Variants in PLCB1 observed in about 807,000 individuals in gnomAD.
The protein encoded by PLCB1 is 1-phosphatidylinositol 4,5-bisphosphate phosphodiesterase beta-1.
Under a neutral mutation model 161.8 loss-of-function variants are expected in PLCB1, and 46 were observed. The observed-to-expected ratio is 0.28, with a 90% CI of 0.22 to 0.36. PLCB1 has a LOEUF of 0.36. PLCB1 is among the 10% of genes least tolerant of loss of function. PLCB1 has a pLI of 1.00. For missense variants in PLCB1, 1,016 were observed against 1,472.5 expected (o/e 0.69, Z 5.07); for synonymous variants, 517 against 503.7 (o/e 1.03, Z -0.35).
At chr20:8,446,277 C>G (rs1480023302) in intron 3 of PLCB1, among the ~76,000 whole-genome samples, 1 of 152,090 alleles carries the variant, frequency 6.6e-6, no homozygotes. Flanking sequence ...TAAACGTAAT[C>G]CAGCATATAA....
intron 2 of PLCB1, among the ~76,000 whole-genome samples, chr20:8,203,616 A>G (rs746575831): frequency 6.6e-6 from 1 of 152,072 alleles, no homozygotes; most frequent in Non-Finnish European, 1.5e-5. Context: ...TCAGGGAGAG[A>G]TGCACAGACA....
chr20:8,834,288 A>G (rs1187735959), intron 31 of PLCB1, among the ~76,000 whole-genome samples: 1 of 152,182 alleles, frequency 6.6e-6, no homozygotes, highest in African/African-American at 2.4e-5. Flanking sequence ...GGGATAGGGA[A>G]TAGTTTTCTG....
chr20:8,788,449 C>T lies in PLCB1; in HGVS notation c.3112C>T (p.Leu1038Phe), dbSNP rs762562905. The T allele has an allele frequency of 5.6e-6, 9 of 1,612,240 alleles. No homozygotes were observed. In the African/African-American group the frequency reaches 1.2e-4, roughly 21 times the overall value. ...GCAAACTGACATTTTCTTTTTCCAGCTTATTCAAAAGTTGACGGATGTCGC... is the reference window on the plus strand; with the variant it reads ...GCAAACTGACATTTTCTTTTTCCAGTTTATTCAAAAGTTGACGGATGTCGC... Reference protein sequence around the residue: ...KYQKREHIKLLIQKLTDVAEE... With the variant: ...KYQKREHIKLFIQKLTDVAEE... The change falls in exon 28 of 32, where the codon CTT (leucine) becomes TTT (phenylalanine). Residue 1038 changes from leucine to phenylalanine, a missense_variant and splice_region_variant. This residue lies in a region of PLCB1 where 398 missense variants were observed against 445.4 expected (regional missense o/e 0.89). Coordinates refer to ENST00000338037, the MANE Select transcript of PLCB1 (RefSeq NM_015192.4).
At chr20:8,490,829 G>A (rs1982912626) in intron 3 of PLCB1, among the ~76,000 whole-genome samples, 1 of 150,500 alleles carries the variant, frequency 6.6e-6, no homozygotes, top group African/African-American at 2.5e-5. Flanking sequence ...CTTATTTTCA[G>A]ATTTTGAGAG....
intron 9 of PLCB1, among the ~76,000 whole-genome samples, chr20:8,666,178 C>T (rs1035064424): frequency 6.6e-5 from 10 of 152,164 alleles, no homozygotes; most frequent in African/African-American, 2.4e-4. Context: ...TGAGCCCTAA[C>T]TGCCCACAGC....
chr20:8,436,058 A>T (rs1980286208), intron 3 of PLCB1, among the ~76,000 whole-genome samples: 1 of 152,102 alleles, frequency 6.6e-6, no homozygotes. Context: ...ATTGAATATG[A>T]CCAGGCACAG....
intron 3 of PLCB1, among the ~76,000 whole-genome samples, chr20:8,502,763 G>T (rs1472848535): frequency 1.3e-5 from 2 of 152,120 alleles, no homozygotes; most frequent in Non-Finnish European, 2.9e-5. Context: ...CAGAATAGTT[G>T]TAGAAAACCC....
chr20:8,673,004 C>G (rs1224820782), intron 9 of PLCB1, among the ~76,000 whole-genome samples: 1 of 151,894 alleles, frequency 6.6e-6, no homozygotes, highest in Non-Finnish European at 1.5e-5. Flanking sequence ...CCCAGCTACT[C>G]AGGAGGCTGA....
chr20:8,549,136 C>T (rs1007948757), intron 3 of PLCB1, among the ~76,000 whole-genome samples: 3 of 152,004 alleles, frequency 2.0e-5, no homozygotes, highest in Admixed American at 6.6e-5. Context: ...GCATGTTCTG[C>T]ACATGTATCC....
Position 8,249,608 on chromosome 20 carries a change from G to A in PLCB1, c.177+99237G>A, listed in dbSNP as rs145504086. Reference sequence around the variant, plus strand: ...GCATCCTTTAACTCTTATTGTGATCGACAGAAAGTATCATAGATGGACAAC... The same window carrying A: ...GCATCCTTTAACTCTTATTGTGATCAACAGAAAGTATCATAGATGGACAAC... On this transcript the variant is annotated intron_variant, in intron 2 of 31. Transcript: ENST00000338037. The A allele has an allele frequency of 2.6e-5, 4 of 151,974 alleles. 1 individual carries two copies. The highest frequency in any genetic ancestry group is 4.8e-5 in the African/African-American group (2 of 41,506). The allele number at this position is 151,974 out of a possible 1,614,324, so 9.4% of individuals were successfully genotyped here. A position where few individuals can be genotyped will look rare whatever the true frequency, so the allele number is the denominator to read the frequency against.
intron 31 of PLCB1, among the ~76,000 whole-genome samples, chr20:8,818,154 T>G (rs1985165118): frequency 6.6e-6 from 1 of 152,200 alleles, no homozygotes. Flanking sequence ...AATTCTGGAT[T>G]AATTCATAGA....
At chr20:8,161,496 C>CA (rs2123051402) in intron 2 of PLCB1, among the ~76,000 whole-genome samples, 1 of 152,334 alleles carries the variant, frequency 6.6e-6, no homozygotes, top group South Asian at 2.1e-4. Flanking sequence ...AGTGGCAGTG[C>CA]AGTCTGGCTC....
At chr20:8,487,222 C>G (rs1982766830) in intron 3 of PLCB1, among the ~76,000 whole-genome samples, 1 of 152,146 alleles carries the variant, frequency 6.6e-6, no homozygotes, top group Non-Finnish European at 1.5e-5. Context: ...TCCTTGTTCA[C>G]ATTTTTTTAC....
intron 2 of PLCB1, among the ~76,000 whole-genome samples, chr20:8,229,527 T>G (rs6039102): frequency 0.72 from 109,472 of 151,992 alleles, 39,795 homozygotes; most frequent in African/African-American, 0.8. Context: ...CATTAAAAAT[T>G]CAATTCCTCC....
intron 3 of PLCB1, among the ~76,000 whole-genome samples, chr20:8,402,952 A>T (rs1206890266): frequency 6.6e-6 from 1 of 152,160 alleles, no homozygotes; most frequent in Non-Finnish European, 1.5e-5. Flanking sequence ...TAAATTTTAT[A>T]TCTATTTTTG....
chr20:8,182,871 G>A lies in PLCB1; in HGVS notation c.177+32500G>A, dbSNP rs201423330. On this transcript the variant is annotated intron_variant, in intron 2 of 31. Transcript: ENST00000338037. ...GCTGGGATTACAGGTGTGAGCCACC[G>A]TGCCTGGCTGCACAGTTGATTATCT... Among the ~76,000 whole-genome samples the A allele has an allele frequency of 7.9e-5, 12 of 152,174 alleles. No homozygotes were observed. The East Asian group carries it at 1.5e-3, about 20-fold the overall frequency.
intron 31 of PLCB1, among the ~76,000 whole-genome samples, chr20:8,829,761 A>C (rs367628651): frequency 6.6e-6 from 1 of 152,238 alleles, no homozygotes; most frequent in South Asian, 2.1e-4. Flanking sequence ...CAACGTATAG[A>C]TCATTAGGTT....
At chr20:8,669,545 T>C (rs116472955) in intron 9 of PLCB1, among the ~76,000 whole-genome samples, 183 of 152,336 alleles carry the variant, frequency 1.2e-3, no homozygotes, top group African/African-American at 4.2e-3. Context: ...GTTTATTTAC[T>C]CAGCACACAG....
chr20:8,412,671 TC>T (rs904601074), intron 3 of PLCB1, among the ~76,000 whole-genome samples: 2 of 152,134 alleles, frequency 1.3e-5, no homozygotes, highest in Non-Finnish European at 2.9e-5. Flanking sequence ...TACATGGTTA[TC>T]CTGAAGATTC....
Sources: allele counts gnomAD v4.1 joint callset (sites outside exome capture counted in the v4.1 genomes callset), GRCh38; gene constraint gnomAD v4.1.1; regional missense constraint gnomAD v4.1.1; transcripts MANE v1.5; gene names NCBI Gene and HGNC (gene_info 2026-07-23, HGNC 2026-07-21).